PDE3A: variants seen among roughly 807,000 people sequenced by gnomAD.
PDE3A encodes phosphodiesterase 3A, also known as cGMP-inhibited 3',5'-cyclic phosphodiesterase 3A.
In PDE3A, 43 loss-of-function variants were observed where a neutral mutation model predicts 98.3. That is an observed-to-expected ratio of 0.44 (90% CI 0.34 to 0.56). PDE3A has a LOEUF of 0.56. PDE3A is among the 20% of genes least tolerant of loss of function. The pLI, the probability that PDE3A is intolerant of heterozygous loss-of-function variation, is 0.01. For synonymous variants in PDE3A, 663 were observed against 567.9 expected, an observed-to-expected ratio of 1.17 and a Z score of -2.38; for missense variants, 1,427 against 1,440.7, an observed-to-expected ratio of 0.99 and a Z score of 0.15.
intron 1 of PDE3A, among the ~76,000 whole-genome samples, chr12:20,432,927 T>A (rs1471700086): frequency 6.6e-6 from 1 of 152,112 alleles, no homozygotes; most frequent in African/African-American, 2.4e-5. Flanking sequence ...AACCAAAGTA[T>A]ATTATCTCAC....
intron 15 of PDE3A, among the ~76,000 whole-genome samples, chr12:20,668,968 G>A (rs1254124371): frequency 4.7e-5 from 7 of 149,482 alleles, no homozygotes; most frequent in African/African-American, 7.4e-5. Context: ...TTAGAAGAAT[G>A]TATAACTAGA....
At chr12:20,583,517 G>T (rs557998010) in intron 2 of PDE3A, among the ~76,000 whole-genome samples, 235 of 152,202 alleles carry the variant, frequency 1.5e-3, no homozygotes, top group African/African-American at 5.6e-3. Flanking sequence ...GAAGCTAATG[G>T]TTAAGAGCAC....
intron 1 of PDE3A, among the ~76,000 whole-genome samples, chr12:20,481,890 G>A (rs1006407291): frequency 6.9e-6 from 1 of 145,744 alleles, no homozygotes; most frequent in Admixed American, 7.2e-5. Context: ...TCAGCCTCCC[G>A]AGTAGCTGGG....
chr12:20,610,539 TCAC>T (rs1943823293), intron 2 of PDE3A, among the ~76,000 whole-genome samples: 1 of 151,806 alleles, frequency 6.6e-6, no homozygotes, highest in South Asian at 2.1e-4. Context: ...TAAGATAAAA[TCAC>T]CACCTCATAA....
At chr12:20,652,886 A>G (rs1234504465) in intron 14 of PDE3A, among the ~76,000 whole-genome samples, 1 of 152,246 alleles carries the variant, frequency 6.6e-6, no homozygotes, top group Non-Finnish European at 1.5e-5. Context: ...CAGAGTGAAC[A>G]GGCAACCTAC....
At chr12:20,667,634 T>A (rs925390544) in intron 15 of PDE3A, among the ~76,000 whole-genome samples, 2 of 152,310 alleles carry the variant, frequency 1.3e-5, no homozygotes, top group African/African-American at 4.8e-5. Context: ...TATATGTCCA[T>A]TTATATACTA....
At chr12:20,445,456 G>C (rs111645498) in intron 1 of PDE3A, among the ~76,000 whole-genome samples, 2 of 152,046 alleles carry the variant, frequency 1.3e-5, no homozygotes, top group African/African-American at 4.8e-5. Context: ...CTTTCCCTCG[G>C]GACTTACAGT....
chr12:20,448,994 C>T (rs1945011959), intron 1 of PDE3A, among the ~76,000 whole-genome samples: 1 of 152,178 alleles, frequency 6.6e-6, no homozygotes, highest in Admixed American at 6.5e-5. Context: ...CATTAAAGTA[C>T]ATTAATCCTT....
At chr12:20,531,015 G>A (rs1395812633) in intron 1 of PDE3A, among the ~76,000 whole-genome samples, 1 of 152,168 alleles carries the variant, frequency 6.6e-6, no homozygotes, top group Admixed American at 6.5e-5. Flanking sequence ...CCTTTGAAAT[G>A]TCACCCCAAA....
chr12:20,492,865 G>C (rs1341826683), intron 1 of PDE3A, among the ~76,000 whole-genome samples: 1 of 152,132 alleles, frequency 6.6e-6, no homozygotes, highest in Non-Finnish European at 1.5e-5. Flanking sequence ...TTAGGGCAGA[G>C]GAAAAGGAAG....
At chr12:20,370,318 T>G (rs966760119) in intron 1 of PDE3A, 74 bp downstream of exon 1, 5 of 1,343,412 alleles carry the variant, frequency 3.7e-6, no homozygotes, top group Non-Finnish European at 3.9e-6. Context: ...GTGGAGAGAA[T>G]CCGAGCGCTG....
chr12:20,396,184 A>T (rs1365863771), intron 1 of PDE3A, among the ~76,000 whole-genome samples: 36 of 152,172 alleles, frequency 2.4e-4, no homozygotes, highest in Admixed American at 2.4e-3. Flanking sequence ...AAATGGTGAA[A>T]AATATAATCG....
At chr12:20,628,338 TTA>T (rs916798548) in intron 5 of PDE3A, among the ~76,000 whole-genome samples, 88 of 152,306 alleles carry the variant, frequency 5.8e-4, no homozygotes, top group African/African-American at 2.1e-3. Flanking sequence ...AGGTTTGTCG[TTA>T]TCTTTGGAAA....
intron 1 of PDE3A, among the ~76,000 whole-genome samples, chr12:20,534,078 A>G (rs1941691317): frequency 6.6e-6 from 1 of 152,174 alleles, no homozygotes. Flanking sequence ...TCTTCCTGGT[A>G]AAACCCTCTT....
At chr12:20,568,750 A>T (rs1021095387) in intron 2 of PDE3A, among the ~76,000 whole-genome samples, 1 of 151,996 alleles carries the variant, frequency 6.6e-6, no homozygotes, top group Non-Finnish European at 1.5e-5. Context: ...ACTTTTTCAT[A>T]ATGTATACAT....
At chr12:20,385,266 G>T (rs564261975) in intron 1 of PDE3A, among the ~76,000 whole-genome samples, 26 of 151,978 alleles carry the variant, frequency 1.7e-4, no homozygotes, top group African/African-American at 5.3e-4. Context: ...TTAGAATGGC[G>T]ATCATTAAAA....
chr12:20,528,463 A>G (rs1946566356), intron 1 of PDE3A, among the ~76,000 whole-genome samples: 1 of 152,228 alleles, frequency 6.6e-6, no homozygotes, highest in Admixed American at 6.5e-5. Flanking sequence ...GTGGAGAGCC[A>G]AGGTAAATGA....
In PDE3A at chr12:20,386,100, AATATATATATAAATATATATAAAT is replaced by A. The variant is rs1565532513; in HGVS notation, c.960+15864_960+15887del. Among the ~76,000 whole-genome samples, 98 of 17,132 alleles carry A rather than the reference AATATATATATAAATATATATAAAT, an allele frequency of 5.7e-3. 7 individuals carry two copies. Among genetic ancestry groups the A allele is most frequent in the African/African-American group, 0.015 (97 of 6,488 alleles). 11.2% of individuals were successfully genotyped at this position (17,132 alleles called of 152,430 possible). On this transcript the variant is annotated intron_variant, in intron 1 of 15. Coordinates refer to ENST00000359062, the MANE Select transcript of PDE3A (RefSeq NM_000921.5). ...ATATATAAATATATAAATATATATA[AATATATATATAAATATATATAAAT>A]ATATATAAATATATATAAATATATA...
intron 1 of PDE3A, among the ~76,000 whole-genome samples, chr12:20,508,308 A>G (rs545246268): frequency 1.3e-4 from 19 of 151,906 alleles, no homozygotes; most frequent in Middle Eastern, 3.4e-3. Context: ...CCATAATACC[A>G]GCCCTCTTTA....
Sources: gnomAD v4.1 joint callset for allele counts (sites outside exome capture counted in the v4.1 genomes callset) on GRCh38, gnomAD v4.1.1 for gene constraint, MANE v1.5 for transcripts, NCBI Gene and HGNC (gene_info 2026-07-23, HGNC 2026-07-21) for gene names.